The following CCP110 variants were observed in gnomAD, a reference collection of about 807,000 sequenced individuals.
CCP110 encodes the protein centriolar coiled-coil protein of 110 kDa.
CCP110 carries 43 observed loss-of-function variants against 105.5 expected under a neutral mutation model. The ratio of observed to expected loss-of-function variants is 0.41; its 90% confidence interval spans 0.32 to 0.53. CCP110 has a LOEUF of 0.53. CCP110 is among the 20% of genes least tolerant of loss of function. The pLI is 0.32. For missense variants in CCP110, 1,016 were observed against 1,189.1 expected, an observed-to-expected ratio of 0.85 and a Z score of 2.14; for synonymous variants, 353 against 392.1, an observed-to-expected ratio of 0.90 and a Z score of 1.18.
At position 19,548,027 on chromosome 16, in the gene CCP110, C is replaced by T. The variant is rs753960529; in HGVS notation, c.2900+13C>T. 63 of 1,580,892 alleles carry T rather than the reference C, an allele frequency of 4.0e-5. No homozygotes were observed. Among genetic ancestry groups the T allele is most frequent in the Non-Finnish European group, 5.2e-5 (60 of 1,150,574 alleles). On this transcript the variant is annotated intron_variant, in intron 13 of 14. Coordinates refer to ENST00000381396, the Ensembl canonical transcript of CCP110. The surrounding 1 kb of genome is among the most constrained non-coding windows in gnomAD (Gnocchi z 4.1). ...TTAGTAGACAAGGGTAAGAATGCCA[C>T]ACACGGGTATTGAAAACTACGGAAA...
At chr16:19,537,892 G>C (rs1048353258) in intron 4 of CCP110, among the ~76,000 whole-genome samples, 1 of 151,956 alleles carries the variant, frequency 6.6e-6, no homozygotes, top group African/African-American at 2.4e-5. Flanking sequence ...CAAGTAGCTG[G>C]GACTACAGGC....
chr16:19,551,637 A>G (rs977573666), exon 15 of CCP110: 2 of 164,448 alleles, frequency 1.2e-5, no homozygotes, highest in African/African-American at 4.8e-5. Flanking sequence ...AATTTAATTC[A>G]TCTCTGCATA....
At chr16:19,549,912 G>A (rs1338624067) in intron 14 of CCP110, among the ~76,000 whole-genome samples, 1 of 152,056 alleles carries the variant, frequency 6.6e-6, no homozygotes, top group Non-Finnish European at 1.5e-5. Flanking sequence ...TTTTTATTCA[G>A]CAATACTCAA....
chr16:19,532,632 CTAAT>C, intron 3 of CCP110, 88 bp downstream of exon 3: 1 of 1,027,540 alleles, frequency 9.7e-7, no homozygotes. Flanking sequence ...TTGCACTTAA[CTAAT>C]TACTAATGTA....
In CCP110 at chr16:19,536,594, G is replaced by A. The variant is rs776413838; in HGVS notation, c.925G>A (p.Ala309Thr). 1 of 1,614,164 alleles carries A rather than the reference G, an allele frequency of 6.2e-7. No individual in the cohort carries two copies. Among genetic ancestry groups the A allele is most frequent in the Admixed American group, 1.7e-5 (1 of 60,020 alleles). Residue 309 changes from alanine to threonine, a missense_variant, in exon 4 of 15, where the codon GCA becomes ACA. Physicochemically the swap from Ala to Thr is moderately conservative, Grantham distance 58. Transcript: ENST00000381396. ...TCTTCTCCAAGGTGCTTCCACTCAA[G>A]CAAGCAGCATGAGTATGCCAGTTTT...
At chr16:19,527,464 G>A (rs1740578981) in intron 1 of CCP110, among the ~76,000 whole-genome samples, 1 of 151,940 alleles carries the variant, frequency 6.6e-6, no homozygotes, top group Admixed American at 6.6e-5. Context: ...TTTTACTACA[G>A]TGTTTGTACC....
chr16:19,536,024 G>A (rs1180722598), exon 4 of CCP110: 2 of 1,613,790 alleles, frequency 1.2e-6, no homozygotes, highest in African/African-American at 1.3e-5. Context: ...AAACTTGAAT[G>A]TTCCTGCTAC....
At chr16:19,551,955 T>G (rs1970655153) in exon 15 of CCP110, 1 of 152,180 alleles carries the variant, frequency 6.6e-6, no homozygotes, top group Non-Finnish European at 1.5e-5. Context: ...GGTAACAAAT[T>G]TGGGGAAGAC....
chr16:19,545,272 G>A (rs1970424302), intron 10 of CCP110, 62 bp downstream of exon 10: 1 of 898,434 alleles, frequency 1.1e-6, no homozygotes, highest in African/African-American at 1.7e-5. Flanking sequence ...GATACTAAAT[G>A]TCAGTTTTGG....
In CCP110 at chr16:19,546,075, G is replaced by A. The variant is rs574365818; in HGVS notation, c.2777+185G>A. 4.2e-5 allele frequency: 23 copies of A among 550,158 alleles called. No homozygotes were observed. In the South Asian group the frequency reaches 5.7e-4, roughly 14 times the overall value. The allele number at this position is 550,158 out of a possible 1,614,324, so 34.1% of individuals were successfully genotyped here. A position where few individuals can be genotyped will look rare whatever the true frequency, so the allele number is the denominator to read the frequency against. On this transcript the variant is annotated intron_variant, in intron 11 of 14. Transcript: ENST00000381396. ...GCTAAAATCTCATTTCATCTTAGAT[G>A]AATTTATTTACTAAATTTGACAACA... is the stretch of plus-strand genomic sequence containing the variant.
exon 5 of CCP110, chr16:19,540,685 G>A (rs1203162904): frequency 2.0e-5 from 33 of 1,612,620 alleles, no homozygotes; most frequent in Non-Finnish European, 2.2e-5. Context: ...AAAGCAAGAT[G>A]TTAGCTTTTG....
At position 19,547,940 on chromosome 16, in the gene CCP110, T is replaced by A. The variant is rs1432495966; in HGVS notation, c.2841-15T>A. 1.9e-6 allele frequency: 3 copies of A among 1,587,296 alleles called. No homozygotes were observed. The East Asian group carries it at 6.7e-5, about 35-fold the overall frequency. On this transcript the variant is annotated splice_polypyrimidine_tract_variant and intron_variant, in intron 12 of 14. Coordinates refer to ENST00000381396, the Ensembl canonical transcript of CCP110. ...TTAACCTATTAAATTAATTTTTCATTTAATTTGTCAACAGAGTCCTTCAGC... is the reference window on the plus strand; with the variant it reads ...TTAACCTATTAAATTAATTTTTCATATAATTTGTCAACAGAGTCCTTCAGC...
intron 5 of CCP110, among the ~76,000 whole-genome samples, chr16:19,541,612 C>T (rs1970281246): frequency 7.7e-6 from 1 of 130,030 alleles, no homozygotes; most frequent in Admixed American, 8.5e-5. Flanking sequence ...GGGGACAGAG[C>T]GAGATTCTGT....
At chr16:19,537,984 A>T (rs2240015) in intron 4 of CCP110, among the ~76,000 whole-genome samples, 23,355 of 152,208 alleles carry the variant, frequency 0.15, 1,861 homozygotes, top group Admixed American at 0.2. Flanking sequence ...AGCTGGTCTC[A>T]AACTCATGAG....
intron 4 of CCP110, among the ~76,000 whole-genome samples, chr16:19,539,370 A>ATT (rs11307724): frequency 7.0e-6 from 1 of 143,420 alleles, no homozygotes. Context: ...TTTTTTTTTA[A>ATT]TTTTTTTTTT....
chr16:19,538,302 C>CATTTTTTTTT (rs1970151531), intron 4 of CCP110, among the ~76,000 whole-genome samples: 1 of 55,246 alleles, frequency 1.8e-5, no homozygotes, highest in Non-Finnish European at 3.1e-5. Context: ...GGAAACAGTT[C>CATTTTTTTTT]TTTTTTTTTT....
chr16:19,543,664 T>C (rs140739812), intron 8 of CCP110, among the ~76,000 whole-genome samples: 2,671 of 152,258 alleles, frequency 0.018, 88 homozygotes, highest in African/African-American at 0.062. Flanking sequence ...TAGCAAGGAA[T>C]ATTAATAATT....
chr16:19,537,518 C>T lies in CCP110; in HGVS notation c.1849C>T (p.Pro617Ser), dbSNP rs866623157. The change falls in exon 4 of 15, where the codon CCA becomes TCA. Residue 617 changes from proline to serine, a missense_variant. Pro to Ser is a moderately conservative substitution (Grantham distance 74, BLOSUM62 -1). Transcript: ENST00000381396. ...AACTGAACAAGAAAGGCAACATTTG[C>T]CAGAAAAAAGATACCCTAAGGGATC... 5.6e-6 allele frequency: 9 copies of T among 1,602,428 alleles called. No homozygotes were observed. In the African/African-American group the frequency reaches 1.2e-4, roughly 22 times the overall value.
At chr16:19,540,752 G>A (rs747768054) in exon 5 of CCP110, 2 of 1,613,696 alleles carry the variant, frequency 1.2e-6, no homozygotes, top group African/African-American at 2.7e-5. Flanking sequence ...ACTACTCATA[G>A]CTGAGCAGGA....
Sources: allele counts gnomAD v4.1 joint callset (sites outside exome capture counted in the v4.1 genomes callset), GRCh38; gene constraint gnomAD v4.1.1; non-coding constraint Gnocchi (gnomAD v3.1); transcripts MANE v1.5; gene names NCBI Gene and HGNC (gene_info 2026-07-23, HGNC 2026-07-21).